The following DPP10 variants were observed in gnomAD, a reference collection of about 807,000 sequenced individuals.
DPP10 encodes the protein inactive dipeptidyl peptidase 10.
DPP10 carries 33 observed loss-of-function variants against 120.9 expected under a neutral mutation model. That is an observed-to-expected ratio of 0.27 (90% confidence interval 0.21 to 0.37). The LOEUF (loss-of-function observed/expected upper bound fraction) is 0.37. Ranked by LOEUF, DPP10 falls within the 10% of genes least tolerant of loss-of-function variation. DPP10 has a pLI of 1.00. For missense variants in DPP10, 816 were observed against 942.8 expected, an observed-to-expected ratio of 0.87 and a Z score of 1.76; for synonymous variants, 337 against 326.1, an observed-to-expected ratio of 1.03 and a Z score of -0.36.
chr2:115,576,382 A>G (rs939213063), intron 5 of DPP10, among the ~76,000 whole-genome samples: 12 of 152,242 alleles, frequency 7.9e-5, no homozygotes, highest in Non-Finnish European at 1.8e-4. Context: ...GTTTTCAGCA[A>G]AGTCTTAATG....
intron 1 of DPP10, among the ~76,000 whole-genome samples, chr2:114,945,509 G>A (rs1697277308): frequency 6.6e-6 from 1 of 152,022 alleles, no homozygotes; most frequent in Non-Finnish European, 1.5e-5. Context: ...TTGGAAAATT[G>A]CAAATTAAAA....
At chr2:115,385,481 G>A (rs766588200) in intron 3 of DPP10, among the ~76,000 whole-genome samples, 6 of 151,778 alleles carry the variant, frequency 4.0e-5, no homozygotes, top group Non-Finnish European at 5.9e-5. Flanking sequence ...CCAGCCTCCT[G>A]AGTAGCTGGG....
At chr2:114,990,380 A>AATCT (rs374010868) in intron 1 of DPP10, among the ~76,000 whole-genome samples, 9 of 150,844 alleles carry the variant, frequency 6.0e-5, no homozygotes, top group Non-Finnish European at 1.0e-4. Context: ...ATGTGCCTAT[A>AATCT]ATCTATCTAT....
chr2:115,129,451 T>G (rs1230066943), intron 1 of DPP10, among the ~76,000 whole-genome samples: 1 of 152,220 alleles, frequency 6.6e-6, no homozygotes, highest in Non-Finnish European at 1.5e-5. Flanking sequence ...TTTTTGTTTA[T>G]GTTTTCTCAG....
chr2:115,218,381 C>A (rs1021295927), intron 1 of DPP10, among the ~76,000 whole-genome samples: 1 of 151,998 alleles, frequency 6.6e-6, no homozygotes, highest in Non-Finnish European at 1.5e-5. Context: ...AAAGTTCTGC[C>A]GGATCCTTAT....
intron 1 of DPP10, among the ~76,000 whole-genome samples, chr2:114,953,461 C>G (rs370753296): frequency 6.6e-6 from 1 of 151,964 alleles, no homozygotes; most frequent in East Asian, 1.9e-4. Context: ...AATAGTTTTT[C>G]TTGCTCTCAC....
At chr2:115,406,699 G>A (rs530298085) in intron 3 of DPP10, among the ~76,000 whole-genome samples, 1 of 151,950 alleles carries the variant, frequency 6.6e-6, no homozygotes, top group African/African-American at 2.4e-5. Context: ...GTTATAAAGA[G>A]GGATCTTTTA....
Position 114,843,290 on chromosome 2 carries a change from C to T in DPP10, c.60+400452C>T, listed in dbSNP as rs553305099. Among the ~76,000 whole-genome samples the T allele has an allele frequency of 7.9e-5, 12 of 152,210 alleles. No homozygotes were observed. In the East Asian group the frequency reaches 2.3e-3, roughly 29 times the overall value. ...TCATAGGACTTCTAAACAAATCCCC[C>T]TATTACTCATGTTTCTACCAGTGGT... On this transcript the variant is annotated intron_variant, in intron 1 of 25. Transcript: ENST00000410059.
chr2:115,125,734 G>A (rs1383237326), intron 1 of DPP10, among the ~76,000 whole-genome samples: 1 of 151,776 alleles, frequency 6.6e-6, no homozygotes, highest in African/African-American at 2.4e-5. Context: ...ACCACACAGG[G>A]CTAATTTTCT....
intron 3 of DPP10, among the ~76,000 whole-genome samples, chr2:115,352,761 A>C (rs902752182): frequency 1.3e-5 from 2 of 152,152 alleles, no homozygotes; most frequent in Non-Finnish European, 2.9e-5. Context: ...TGGGACAGAA[A>C]GTAGACATAA....
chr2:114,677,557 G>T (rs1421488557), intron 1 of DPP10, among the ~76,000 whole-genome samples: 1 of 151,982 alleles, frequency 6.6e-6, no homozygotes, highest in African/African-American at 2.4e-5. Context: ...TCCTCACAAC[G>T]GTCCACTGAA....
chr2:114,603,868 A>G (rs995678888), intron 1 of DPP10, among the ~76,000 whole-genome samples: 39 of 152,090 alleles, frequency 2.6e-4, no homozygotes, highest in African/African-American at 8.9e-4. Flanking sequence ...ACCAGATTTG[A>G]TGATTTGCTA....
At chr2:115,057,544 G>T (rs78456020) in intron 1 of DPP10, among the ~76,000 whole-genome samples, 215 of 152,282 alleles carry the variant, frequency 1.4e-3, no homozygotes, top group Admixed American at 2.3e-3. Flanking sequence ...ATGGTGAATT[G>T]CTTTTTTACT....
chr2:115,615,152 A>G (rs1020943930), intron 5 of DPP10, among the ~76,000 whole-genome samples: 7 of 148,862 alleles, frequency 4.7e-5, no homozygotes, highest in African/African-American at 1.5e-4. Context: ...ATTACAGAGG[A>G]AAAAAAAAAG....
At chr2:115,565,101 A>G (rs2149065798) in intron 5 of DPP10, among the ~76,000 whole-genome samples, 1 of 152,302 alleles carries the variant, frequency 6.6e-6, no homozygotes, top group East Asian at 1.9e-4. Flanking sequence ...CCTACCTCCA[A>G]AAAGCAGAAG....
At chr2:114,461,495 TCAAC>T in intron 1 of DPP10, 1 of 817,038 alleles carries the variant, frequency 1.2e-6, no homozygotes, top group Non-Finnish European at 1.5e-6. Flanking sequence ...CCTGTCTCCC[TCAAC>T]CAATTAGCCT....
At chr2:114,938,329 C>A (rs1232931310) in intron 1 of DPP10, among the ~76,000 whole-genome samples, 1 of 151,894 alleles carries the variant, frequency 6.6e-6, no homozygotes, top group Non-Finnish European at 1.5e-5. Flanking sequence ...AAACCTATTT[C>A]TGTAGGTTTT....
At chr2:115,644,529 GGAAGGCCAA>G (rs2087067207) in intron 5 of DPP10, among the ~76,000 whole-genome samples, 1 of 152,014 alleles carries the variant, frequency 6.6e-6, no homozygotes, top group Non-Finnish European at 1.5e-5. Context: ...CCAACACTTT[GGAAGGCCAA>G]GATGGGAGGA....
intron 1 of DPP10, among the ~76,000 whole-genome samples, chr2:115,226,396 G>T (rs910147256): frequency 2.0e-5 from 3 of 152,138 alleles, no homozygotes; most frequent in Non-Finnish European, 2.9e-5. Context: ...GAAGCGATAA[G>T]ATCTGCTTCC....
Sources: gnomAD v4.1 joint callset for allele counts (sites outside exome capture counted in the v4.1 genomes callset) on GRCh38, gnomAD v4.1.1 for gene constraint, MANE v1.5 for transcripts, NCBI Gene and HGNC (gene_info 2026-07-23, HGNC 2026-07-21) for gene names.